DIO2: variants seen among roughly 807,000 people sequenced by gnomAD.
DIO2 encodes the protein iodothyronine deiodinase 2, also known as type II iodothyronine deiodinase.
In DIO2, 19 loss-of-function variants were observed where a neutral mutation model predicts 21.4. That is an observed-to-expected ratio of 0.89 (90% CI 0.62 to 1.30). The LOEUF (loss-of-function observed/expected upper bound fraction) is 1.30. DIO2 is among the 50% of genes most tolerant of loss of function. The pLI, the probability that DIO2 is intolerant of heterozygous loss-of-function variation, is 0.00. For synonymous variants in DIO2, 122 were observed against 132.9 expected (o/e 0.92, Z 0.57); for missense variants, 302 against 338.1 (o/e 0.89, Z 0.84).
chr14:80,213,699 T>C (rs1888282544), upstream of DIO2, among the ~76,000 whole-genome samples: 1 of 152,006 alleles, frequency 6.6e-6, no homozygotes, highest in Non-Finnish European at 1.5e-5. Context: ...AGAGGGCCTC[T>C]GCATTGCTCT....
At chr14:80,221,379 G>A (rs994619583) in intron 2 of DIO2, among the ~76,000 whole-genome samples, 6 of 152,152 alleles carry the variant, frequency 3.9e-5, no homozygotes, top group African/African-American at 1.4e-4. Context: ...TGTTTTGTCT[G>A]AGTACCTACA....
At chr14:80,230,310 T>G (rs1319934361) in intron 2 of DIO2, among the ~76,000 whole-genome samples, 1 of 152,168 alleles carries the variant, frequency 6.6e-6, no homozygotes, top group Non-Finnish European at 1.5e-5. Flanking sequence ...AGACACCTGG[T>G]GAGGCTGTGC....
At position 80,201,055 on chromosome 14, in the gene DIO2, T is replaced by C. The variant is rs1232280901; in HGVS notation, c.*1634A>G. The stretch of plus-strand genomic sequence containing the variant: ...TCTCATATTTACCAAAAAGAAATTA[T>C]GATACGAAAGTGGTTGGTCCATTCT... On this transcript the variant is annotated 3_prime_UTR_variant, in exon 2 of 2. Transcript: ENST00000438257. 6.6e-6 allele frequency: 1 copy of C among 152,036 alleles called. No homozygotes were observed. Among genetic ancestry groups the C allele is most frequent in the Non-Finnish European group, 1.5e-5 (1 of 67,986 alleles). The allele number at this position is 152,036 out of a possible 1,614,324, so 9.4% of individuals were successfully genotyped here.
chr14:80,226,672 C>T (rs866932259), intron 2 of DIO2, among the ~76,000 whole-genome samples: 1 of 152,196 alleles, frequency 6.6e-6, no homozygotes, highest in African/African-American at 2.4e-5. Flanking sequence ...GAGTGGAAGT[C>T]CATGTTGCTG....
At chr14:80,207,781 C>T (rs987637255) in intron 1 of DIO2, among the ~76,000 whole-genome samples, 29 of 152,096 alleles carry the variant, frequency 1.9e-4, no homozygotes, top group Non-Finnish European at 3.7e-4. Flanking sequence ...TAATTTGTAC[C>T]TTGAAAATGT....
intron 1 of DIO2, among the ~76,000 whole-genome samples, chr14:80,207,092 C>CT (rs1887983341): frequency 6.6e-6 from 1 of 152,126 alleles, no homozygotes; most frequent in African/African-American, 2.4e-5. Flanking sequence ...GTGGTCCTCT[C>CT]TTATGTTTTT....
intron 2 of DIO2, among the ~76,000 whole-genome samples, chr14:80,226,143 G>T (rs888954387): frequency 1.3e-5 from 2 of 152,128 alleles, no homozygotes; most frequent in African/African-American, 4.8e-5. Flanking sequence ...ACTATATATT[G>T]GATGCTGATT....
At chr14:80,203,637 A>G (rs937386101) in intron 1 of DIO2, among the ~76,000 whole-genome samples, 1 of 152,268 alleles carries the variant, frequency 6.6e-6, no homozygotes, top group African/African-American at 2.4e-5. Flanking sequence ...GCATTCTATA[A>G]CAAATGATTA....
chr14:80,213,403 T>A (rs1471285658), upstream of DIO2, among the ~76,000 whole-genome samples: 2 of 152,246 alleles, frequency 1.3e-5, no homozygotes, highest in Admixed American at 6.5e-5. Context: ...TTTTTCCATG[T>A]GGCTAAAACC....
chr14:80,204,246 TC>T (rs1322478569), intron 1 of DIO2, among the ~76,000 whole-genome samples: 4 of 152,186 alleles, frequency 2.6e-5, no homozygotes, highest in African/African-American at 9.6e-5. Flanking sequence ...AAATGGTTAC[TC>T]CAGAATTCTA....
Position 80,201,383 on chromosome 14 carries a change from T to C in DIO2, c.*1306A>G, listed in dbSNP as rs1409092457. ...TGCAATGGAAGTAAGCTTGTTTGTTTGCACCTATTCTTCACTATAGCTCAC... is the reference window on the plus strand; with the variant it reads ...TGCAATGGAAGTAAGCTTGTTTGTTCGCACCTATTCTTCACTATAGCTCAC... On this transcript the variant is annotated 3_prime_UTR_variant, in exon 2 of 2. Transcript: ENST00000438257. 1 of 152,180 alleles carries C rather than the reference T, an allele frequency of 6.6e-6. No homozygotes were observed. Among genetic ancestry groups the C allele is most frequent in the Non-Finnish European group, 1.5e-5 (1 of 68,030 alleles). 9.4% of individuals were successfully genotyped at this position (152,180 alleles called of 1,614,324 possible).
chr14:80,205,463 G>C, intron 1 of DIO2: 1 of 453,806 alleles, frequency 2.2e-6, no homozygotes, highest in Non-Finnish European at 3.4e-6. Flanking sequence ...TGAAACCCAT[G>C]AACAATTATG....
chr14:80,216,406 A>G (rs1193084446), upstream of DIO2, among the ~76,000 whole-genome samples: 1 of 147,308 alleles, frequency 6.8e-6, no homozygotes, highest in African/African-American at 2.6e-5. Context: ...AGCTGTTAGG[A>G]GACAACAATA....
At chr14:80,209,795 A>G (rs927056568) in intron 1 of DIO2, among the ~76,000 whole-genome samples, 41 of 152,264 alleles carry the variant, frequency 2.7e-4, no homozygotes, top group African/African-American at 8.9e-4. Context: ...GTTACTATCA[A>G]TAATAAAGAC....
At position 80,221,254 on chromosome 14, in the gene DIO2, A is replaced by AT. The variant is rs372523697; in HGVS notation, c.-277-4518dup. On this transcript the variant is annotated intron_variant, in intron 2 of 4. Coordinates refer to the DIO2 transcript ENST00000553594. ...ATCATATAAATTACCTAGCTAATTG[A>AT]TTTTTTTCTCTTATATCTACCTTTT... 3.8e-3 allele frequency among the ~76,000 whole-genome samples: 580 copies of AT among 152,216 alleles called. 6 individuals are homozygous for AT. The highest frequency in any genetic ancestry group is 0.013 in the African/African-American group (534 of 41,522).
At chr14:80,208,728 G>T (rs1287898565) in intron 1 of DIO2, among the ~76,000 whole-genome samples, 1 of 152,206 alleles carries the variant, frequency 6.6e-6, no homozygotes, top group African/African-American at 2.4e-5. Flanking sequence ...AGAGCATTCA[G>T]AGAAGTGATT....
chr14:80,213,855 G>T (rs1051787103), upstream of DIO2, among the ~76,000 whole-genome samples: 3 of 152,030 alleles, frequency 2.0e-5, no homozygotes, highest in African/African-American at 7.3e-5. Context: ...CATTAGTTTG[G>T]CTCCTAATGA....
rs1403755901 is a variant in DIO2, at chr14:80,199,313, T to C, written c.*3376A>G. ...CTGTGATGAGAGAATAAGCACTTCC[T>C]GGTTAACGGGAGAAGAACTTAACTG... On this transcript the variant is annotated 3_prime_UTR_variant, in exon 2 of 2. Transcript: ENST00000438257. 2 of 152,232 alleles carry C rather than the reference T, an allele frequency of 1.3e-5. No individual in the cohort carries two copies. The highest frequency in any genetic ancestry group is 2.4e-5 in the African/African-American group (1 of 41,466). The allele number at this position is 152,232 out of a possible 1,614,324, so 9.4% of individuals were successfully genotyped here.
At chr14:80,214,888 T>A (rs1888315741), upstream of DIO2, among the ~76,000 whole-genome samples, 1 of 152,208 alleles carries the variant, frequency 6.6e-6, no homozygotes, top group East Asian at 1.9e-4. Flanking sequence ...TTTCCCTAAC[T>A]CTAAATAAGC....
Sources: gnomAD v4.1 joint callset for allele counts (sites outside exome capture counted in the v4.1 genomes callset) on GRCh38, gnomAD v4.1.1 for gene constraint, MANE v1.5 for transcripts, NCBI Gene and HGNC (gene_info 2026-07-23, HGNC 2026-07-21) for gene names.